APBB2: variants seen among roughly 807,000 people sequenced by gnomAD.
APBB2 encodes the protein Fe65-like 1.
APBB2 carries 38 observed loss-of-function variants against 82.5 expected under a neutral mutation model. The observed-to-expected ratio is 0.46, with a 90% CI of 0.36 to 0.60. APBB2 has a LOEUF of 0.60. Ranked by LOEUF, APBB2 falls within the 20% of genes least tolerant of loss-of-function variation. The probability of loss-of-function intolerance (pLI) is 0.00; values close to 1 mark genes in which losing one functional copy is unlikely to be tolerated. For missense variants in APBB2, 772 were observed against 972.3 expected (o/e 0.79, Z 2.74); for synonymous variants, 341 against 368.2 (o/e 0.93, Z 0.85).
chr4:40,855,457 G>C (rs755187438), intron 12 of APBB2, among the ~76,000 whole-genome samples: 1 of 152,184 alleles, frequency 6.6e-6, no homozygotes, highest in Non-Finnish European at 1.5e-5. Flanking sequence ...AATGAGGCCA[G>C]GCATGGTGGC....
At chr4:41,097,088 T>G (rs941624637) in intron 3 of APBB2, among the ~76,000 whole-genome samples, 2 of 152,250 alleles carry the variant, frequency 1.3e-5, no homozygotes, top group South Asian at 2.1e-4. Context: ...TCTGTAACCA[T>G]CATTTCATCT....
chr4:41,081,360 A>G (rs1334420677), intron 3 of APBB2, among the ~76,000 whole-genome samples: 1 of 152,204 alleles, frequency 6.6e-6, no homozygotes, highest in Non-Finnish European at 1.5e-5. Flanking sequence ...GCACAATTCT[A>G]TTCAGGTTTC....
At chr4:40,988,245 A>G (rs985577568) in intron 6 of APBB2, among the ~76,000 whole-genome samples, 2 of 152,200 alleles carry the variant, frequency 1.3e-5, no homozygotes, top group African/African-American at 4.8e-5. Context: ...TTCCCATTGC[A>G]CTTGTGCTGG....
chr4:41,131,754 C>G (rs948499216), intron 2 of APBB2, among the ~76,000 whole-genome samples: 1 of 152,040 alleles, frequency 6.6e-6, no homozygotes, highest in Non-Finnish European at 1.5e-5. Context: ...AAAAATAAAA[C>G]TTCGGCCGGG....
At chr4:40,948,890 C>CAAAAAAAAAAAAAAAAA (rs59172492) in intron 6 of APBB2, among the ~76,000 whole-genome samples, 31 of 101,574 alleles carry the variant, frequency 3.1e-4, no homozygotes, top group African/African-American at 1.3e-3. Context: ...ATCCTGTCTC[C>CAAAAAAAAAAAAAAAAA]AAAAAAAAAA....
At chr4:40,880,253 A>G in intron 12 of APBB2, 1 of 985,428 alleles carries the variant, frequency 1.0e-6, no homozygotes, top group Non-Finnish European at 1.2e-6. Context: ...AAAACTCGAC[A>G]CAATGAGACT....
chr4:41,083,160 G>T (rs1738294610), intron 3 of APBB2, among the ~76,000 whole-genome samples: 2 of 151,556 alleles, frequency 1.3e-5, no homozygotes, highest in Admixed American at 6.6e-5. Flanking sequence ...ACAAGACTTT[G>T]TCTCAATACA....
chr4:40,962,498 G>C (rs1172878992), intron 6 of APBB2, among the ~76,000 whole-genome samples: 1 of 152,162 alleles, frequency 6.6e-6, no homozygotes, highest in Admixed American at 6.5e-5. Flanking sequence ...AAATTGAACA[G>C]ATCTAAGTTC....
At chr4:41,201,092 GAC>G (rs1251151516) in intron 1 of APBB2, among the ~76,000 whole-genome samples, 2 of 152,140 alleles carry the variant, frequency 1.3e-5, no homozygotes, top group Non-Finnish European at 2.9e-5. Context: ...TCATCACAGT[GAC>G]AGTTGCCTTA....
intron 10 of APBB2, among the ~76,000 whole-genome samples, chr4:40,913,163 G>A (rs567071662): frequency 7.7e-4 from 118 of 152,270 alleles, no homozygotes; most frequent in African/African-American, 2.6e-3. Context: ...TAAGAAAGGA[G>A]CAGAGACAGC....
intron 1 of APBB2, among the ~76,000 whole-genome samples, chr4:41,213,243 C>T (rs1779773841): frequency 6.6e-6 from 1 of 152,106 alleles, no homozygotes; most frequent in African/African-American, 2.4e-5. Flanking sequence ...CAAACACCAC[C>T]GATGGCATCA....
intron 6 of APBB2, among the ~76,000 whole-genome samples, chr4:40,965,009 A>G (rs1794313133): frequency 6.6e-6 from 1 of 152,100 alleles, no homozygotes; most frequent in South Asian, 2.1e-4. Flanking sequence ...AGTCCCAGCT[A>G]CTTGGGAGGC....
At chr4:40,991,557 G>T (rs184191833) in intron 6 of APBB2, among the ~76,000 whole-genome samples, 1 of 152,090 alleles carries the variant, frequency 6.6e-6, no homozygotes. Context: ...AACCTATAGT[G>T]TTCTAACTAT....
intron 5 of APBB2, among the ~76,000 whole-genome samples, chr4:41,016,110 T>TA (rs1344846601): frequency 6.6e-6 from 1 of 152,182 alleles, no homozygotes; most frequent in Non-Finnish European, 1.5e-5. Context: ...GAGAGAAAGT[T>TA]ATTTTTAGAC....
chr4:40,866,025 C>A (rs770154105), intron 12 of APBB2, among the ~76,000 whole-genome samples: 1 of 152,226 alleles, frequency 6.6e-6, no homozygotes, highest in African/African-American at 2.4e-5. Flanking sequence ...AAACGGTGCA[C>A]CTCCTCAGAA....
At chr4:40,873,130 A>G (rs2154341682) in intron 12 of APBB2, among the ~76,000 whole-genome samples, 1 of 151,762 alleles carries the variant, frequency 6.6e-6, no homozygotes, top group South Asian at 2.1e-4. Flanking sequence ...GGATGATGAC[A>G]GCCATTTCTA....
intron 10 of APBB2, among the ~76,000 whole-genome samples, chr4:40,913,911 T>C (rs185629068): frequency 2.1e-4 from 32 of 152,216 alleles, no homozygotes; most frequent in Admixed American, 3.9e-4. Context: ...CTGGTGGCCA[T>C]GAGTTGAAGG....
intron 17 of APBB2, among the ~76,000 whole-genome samples, chr4:40,817,082 A>T (rs1323414288): frequency 3.3e-5 from 5 of 149,690 alleles, no homozygotes; most frequent in African/African-American, 4.9e-5. Flanking sequence ...AATTTATCAA[A>T]TTTTTTTTTT....
chr4:40,965,648 ACCT>A (rs1794500461), intron 6 of APBB2, among the ~76,000 whole-genome samples: 1 of 152,298 alleles, frequency 6.6e-6, no homozygotes, highest in African/African-American at 2.4e-5. Context: ...ATTAAAATTA[ACCT>A]CGTCTATTGC....
Sources: allele counts gnomAD v4.1 joint callset (sites outside exome capture counted in the v4.1 genomes callset), GRCh38; gene constraint gnomAD v4.1.1; transcripts MANE v1.5; gene names NCBI Gene and HGNC (gene_info 2026-07-23, HGNC 2026-07-21).